MED13L: variants seen among roughly 807,000 people sequenced by gnomAD.
The protein encoded by MED13L is mediator complex subunit 13L, also known as mediator of RNA polymerase II transcription subunit 13-like.
Under a neutral mutation model 220.9 loss-of-function variants are expected in MED13L, and 7 were observed. The ratio of observed to expected loss-of-function variants is 0.03; its 90% confidence interval spans 0.02 to 0.06. The LOEUF is 0.06. Ranked by LOEUF, MED13L falls within the 10% of genes least tolerant of loss-of-function variation. The pLI is 1.00. For missense variants in MED13L, 1,965 were observed against 2,760.5 expected (o/e 0.71, Z 6.46); for synonymous variants, 1,011 against 1,015.2 (o/e 1.00, Z 0.08).
chr12:116,269,357 A>G (rs1310214937), intron 1 of MED13L, among the ~76,000 whole-genome samples: 1 of 150,968 alleles, frequency 6.6e-6, no homozygotes, highest in Non-Finnish European at 1.5e-5. Context: ...CACCCGGCCT[A>G]TCATCTAGGT....
At chr12:116,044,099 C>G (rs919520901) in intron 4 of MED13L, among the ~76,000 whole-genome samples, 39 of 152,180 alleles carry the variant, frequency 2.6e-4, no homozygotes, top group Admixed American at 2.4e-3. Context: ...TTTTAACCAA[C>G]AGCAAGAGAA....
chr12:115,997,291 TA>T, intron 14 of MED13L, 61 bp from the exon 15 acceptor site: 1 of 1,421,292 alleles, frequency 7.0e-7, no homozygotes, highest in Non-Finnish European at 9.8e-7. Flanking sequence ...AGTCCTAGCT[TA>T]TAGCCAGGCG....
At chr12:116,277,015 C>T (rs1217383050) in intron 1 of MED13L, 45 bp downstream of exon 1, 3 of 1,412,740 alleles carry the variant, frequency 2.1e-6, no homozygotes, top group Admixed American at 3.9e-5. Context: ...CGGGGACCCC[C>T]CCCCTTCCCC....
At chr12:116,093,715 C>T (rs919098600) in intron 4 of MED13L, among the ~76,000 whole-genome samples, 4 of 151,848 alleles carry the variant, frequency 2.6e-5, no homozygotes, top group African/African-American at 9.7e-5. Context: ...TATATAGATA[C>T]TATATGCTAG....
At chr12:116,082,520 C>T (rs1871305046) in intron 4 of MED13L, 1 of 152,162 alleles carries the variant, frequency 6.6e-6, no homozygotes, top group Admixed American at 6.5e-5. Flanking sequence ...GAGTTGCTCT[C>T]TCATCTTACT....
chr12:116,051,785 A>G (rs1868527646), intron 4 of MED13L, among the ~76,000 whole-genome samples: 1 of 152,218 alleles, frequency 6.6e-6, no homozygotes, highest in South Asian at 2.1e-4. Context: ...GAAGTCAAGC[A>G]TGGAATTTTC....
intron 4 of MED13L, among the ~76,000 whole-genome samples, chr12:116,051,479 A>G (rs566695666): frequency 2.1e-4 from 32 of 152,364 alleles, no homozygotes; most frequent in African/African-American, 7.7e-4. Flanking sequence ...AATGTTGGCT[A>G]CAGATCATAT....
chr12:116,036,020 A>G (rs1277942347), intron 4 of MED13L, among the ~76,000 whole-genome samples: 2 of 152,158 alleles, frequency 1.3e-5, no homozygotes, highest in African/African-American at 4.8e-5. Context: ...ACAACTATTA[A>G]TATTTCATTT....
chr12:116,005,562 T>G (rs533007605), intron 13 of MED13L, among the ~76,000 whole-genome samples: 4 of 152,258 alleles, frequency 2.6e-5, no homozygotes, highest in Admixed American at 6.5e-5. Flanking sequence ...TTAGAAGAAT[T>G]TATTACAATA....
chr12:116,234,215 C>CTATTTATTTATTTATTTATT (rs74508824), intron 2 of MED13L, among the ~76,000 whole-genome samples: 2 of 149,758 alleles, frequency 1.3e-5, no homozygotes, highest in Admixed American at 1.3e-4. Context: ...CAGGATTCTG[C>CTATTTATTTATTTATTTATT]TATTTATTTA....
intron 4 of MED13L, among the ~76,000 whole-genome samples, chr12:116,060,987 T>C (rs902583991): frequency 6.6e-6 from 1 of 152,206 alleles, no homozygotes; most frequent in African/African-American, 2.4e-5. Context: ...TCTTCTTTTA[T>C]TTTCTATCTC....
intron 1 of MED13L, among the ~76,000 whole-genome samples, chr12:116,254,765 T>TG (rs944756523): frequency 1.3e-5 from 2 of 150,120 alleles, no homozygotes; most frequent in African/African-American, 4.9e-5. Flanking sequence ...CCAAAGGGGG[T>TG]GGGGGGGAAT....
chr12:116,176,648 C>G (rs1880087025), intron 2 of MED13L, among the ~76,000 whole-genome samples: 1 of 151,658 alleles, frequency 6.6e-6, no homozygotes, highest in Non-Finnish European at 1.5e-5. Flanking sequence ...TTTTGAAAAC[C>G]AAATGGAAAC....
At chr12:116,234,195 A>G (rs2138444604) in intron 2 of MED13L, among the ~76,000 whole-genome samples, 1 of 152,088 alleles carries the variant, frequency 6.6e-6, no homozygotes, top group East Asian at 1.9e-4. Flanking sequence ...GCTTAATTTA[A>G]GCCAGCTAAC....
chr12:115,983,998 T>TA (rs1213347828), intron 20 of MED13L, among the ~76,000 whole-genome samples, 182 bp downstream of exon 20: 3 of 152,190 alleles, frequency 2.0e-5, no homozygotes, highest in Admixed American at 6.5e-5. Context: ...GAATAGTTTT[T>TA]AAAAAATATA....
At chr12:116,008,367 G>T in intron 10 of MED13L, 34 bp downstream of exon 10, 2 of 1,578,480 alleles carry the variant, frequency 1.3e-6, no homozygotes, top group Non-Finnish European at 1.7e-6. Flanking sequence ...TGCCCTTCCG[G>T]TGGACGGGTG....
At chr12:116,221,704 T>A (rs17580682) in intron 2 of MED13L, among the ~76,000 whole-genome samples, 1 of 152,172 alleles carries the variant, frequency 6.6e-6, no homozygotes, top group African/African-American at 2.4e-5. Flanking sequence ...TCATGCAGCA[T>A]GAATCTGGAA....
chr12:116,031,146 T>G (rs527689788), intron 4 of MED13L, among the ~76,000 whole-genome samples: 9 of 152,192 alleles, frequency 5.9e-5, no homozygotes, highest in Admixed American at 5.2e-4. Flanking sequence ...GATAAAGCAA[T>G]TGTCTTGCTT....
chr12:116,032,706 G>A (rs578175250), intron 4 of MED13L, among the ~76,000 whole-genome samples: 7 of 152,170 alleles, frequency 4.6e-5, no homozygotes, highest in East Asian at 1.9e-4. Flanking sequence ...AGTTACAACC[G>A]CCATGGGTCT....
Sources: allele counts gnomAD v4.1 joint callset (sites outside exome capture counted in the v4.1 genomes callset), GRCh38; gene constraint gnomAD v4.1.1; transcripts MANE v1.5; gene names NCBI Gene and HGNC (gene_info 2026-07-23, HGNC 2026-07-21).